The following FBXL17 variants were observed in gnomAD, a reference collection of about 807,000 sequenced individuals.
FBXL17 encodes the protein F-box and leucine rich repeat protein 17.
A neutral mutation model predicts 66.2 loss-of-function variants in FBXL17; 22 were observed. The ratio of observed to expected loss-of-function variants is 0.33; its 90% CI spans 0.24 to 0.47. FBXL17 has a LOEUF of 0.47. FBXL17 is among the 20% of genes least tolerant of loss of function. The pLI is 1.00. For synonymous variants in FBXL17, 474 were observed against 400.5 expected, an observed-to-expected ratio of 1.18 and a Z score of -2.19; for missense variants, 878 against 948.2, an observed-to-expected ratio of 0.93 and a Z score of 0.97.
chr5:108,186,024 C>G, intron 6 of FBXL17, 93 bp downstream of exon 6: 1 of 986,796 alleles, frequency 1.0e-6, no homozygotes, highest in Non-Finnish European at 1.5e-6. Context: ...CAGCTGTATT[C>G]AATTTTAGTT....
At chr5:108,083,258 GAGAT>G (rs377162791) in intron 6 of FBXL17, among the ~76,000 whole-genome samples, 237 of 116,598 alleles carry the variant, frequency 2.0e-3, no homozygotes, top group Non-Finnish European at 2.7e-3. Context: ...CACAGAGAGA[GAGAT>G]AGACAGATAT....
intron 4 of FBXL17, among the ~76,000 whole-genome samples, chr5:108,324,333 C>T (rs761000809): frequency 2.0e-5 from 3 of 151,788 alleles, no homozygotes; most frequent in African/African-American, 4.8e-5. Context: ...ACATGCTTAG[C>T]GACATGAATC....
chr5:108,235,054 A>G lies in FBXL17; in HGVS notation c.1507-10826T>C, dbSNP rs147144050. 2.0e-5 allele frequency among the ~76,000 whole-genome samples: 3 copies of G among 152,304 alleles called. No homozygotes were observed. In the East Asian group the frequency reaches 5.8e-4, roughly 29 times the overall value. On this transcript the variant is annotated intron_variant, in intron 4 of 8. Coordinates refer to ENST00000542267, the MANE Select transcript of FBXL17 (RefSeq NM_001163315.3). ...ATAATTTTGTAATCTGTGCTGAAAG[A>G]TATTTTGGGAATAATTGCTAGCATA...
At chr5:108,078,795 C>T (rs1748650737) in intron 6 of FBXL17, among the ~76,000 whole-genome samples, 3 of 152,142 alleles carry the variant, frequency 2.0e-5, no homozygotes, top group African/African-American at 7.2e-5. Context: ...CTTTCTGTAA[C>T]CTCAAGATAT....
At chr5:108,218,021 T>C (rs73214511) in intron 5 of FBXL17, among the ~76,000 whole-genome samples, 43,066 of 143,178 alleles carry the variant, frequency 0.3, 6,670 homozygotes, top group South Asian at 0.43. Flanking sequence ...TTTTTCTTTT[T>C]TTTTTTTTTT....
chr5:107,952,365 C>T (rs1751524695), intron 7 of FBXL17, among the ~76,000 whole-genome samples: 1 of 152,130 alleles, frequency 6.6e-6, no homozygotes, highest in Non-Finnish European at 1.5e-5. Flanking sequence ...TCTGCCTCCA[C>T]TATAACTGAA....
chr5:107,976,778 T>A lies in FBXL17; in HGVS notation c.1822+44147A>T, dbSNP rs77931298. Among the ~76,000 whole-genome samples the A allele has an allele frequency of 3.9e-3, 595 of 152,268 alleles. 25 individuals are homozygous for A. The East Asian group carries it at 0.092, about 24-fold the overall frequency. On this transcript the variant is annotated intron_variant, in intron 7 of 8. Transcript: ENST00000542267. Reference sequence around the variant, plus strand: ...AAAAAAGAAAAGACAATAACATATATAACAGACTTCAATATATTAATAAAC... The same window carrying A: ...AAAAAAGAAAAGACAATAACATATAAAACAGACTTCAATATATTAATAAAC...
chr5:108,243,040 T>C (rs1157633403), intron 4 of FBXL17, among the ~76,000 whole-genome samples: 4 of 152,212 alleles, frequency 2.6e-5, no homozygotes, highest in African/African-American at 9.6e-5. Flanking sequence ...AATCTGATAA[T>C]TCGATTGTTT....
chr5:108,301,156 T>G (rs540831007), intron 4 of FBXL17, among the ~76,000 whole-genome samples: 7 of 151,794 alleles, frequency 4.6e-5, no homozygotes, highest in Non-Finnish European at 7.4e-5. Context: ...CTCAGAGATC[T>G]CTGAATTTAT....
chr5:108,358,637 G>A (rs1748147653), intron 3 of FBXL17, among the ~76,000 whole-genome samples: 1 of 152,080 alleles, frequency 6.6e-6, no homozygotes, highest in Non-Finnish European at 1.5e-5. Context: ...GTCTGTAGCT[G>A]TTGTTTGTTT....
At chr5:108,203,272 T>C (rs1231464935) in intron 5 of FBXL17, among the ~76,000 whole-genome samples, 1 of 152,098 alleles carries the variant, frequency 6.6e-6, no homozygotes, top group Non-Finnish European at 1.5e-5. Flanking sequence ...ATGGTATTAC[T>C]ATCCTTCTTT....
At chr5:107,999,766 GAATACTC>G (rs1753642279) in intron 7 of FBXL17, among the ~76,000 whole-genome samples, 1 of 152,142 alleles carries the variant, frequency 6.6e-6, no homozygotes, top group Non-Finnish European at 1.5e-5. Context: ...TACACATAAT[GAATACTC>G]AATAAACACT....
At chr5:108,257,310 T>C (rs1230505284) in intron 4 of FBXL17, among the ~76,000 whole-genome samples, 1 of 152,148 alleles carries the variant, frequency 6.6e-6, no homozygotes, top group African/African-American at 2.4e-5. Flanking sequence ...ATATCATAAG[T>C]TGATTTCTGA....
intron 4 of FBXL17, among the ~76,000 whole-genome samples, chr5:108,300,360 G>C (rs186295937): frequency 6.6e-6 from 1 of 151,760 alleles, no homozygotes; most frequent in East Asian, 1.9e-4. Flanking sequence ...AGTTCAAAGT[G>C]GCCCAATTTA....
intron 4 of FBXL17, among the ~76,000 whole-genome samples, chr5:108,243,352 C>T (rs2150103772): frequency 6.6e-6 from 1 of 152,282 alleles, no homozygotes; most frequent in South Asian, 2.1e-4. Context: ...TATTCTCTGA[C>T]TGTTCCATCT....
At position 107,935,233 on chromosome 5, in the gene FBXL17, G is replaced by A. The variant is rs1750861036; in HGVS notation, c.1823-54054C>T. Among the ~76,000 whole-genome samples, 5 of 152,176 alleles carry A rather than the reference G, an allele frequency of 3.3e-5. No individual in the cohort carries two copies. In the South Asian group the frequency reaches 1.0e-3, roughly 32 times the overall value. Reference sequence around the variant, plus strand: ...CAAGAATCAAGGACTCCTAAGAATTGATTTGAAAGTGACTGCTGTCCTTTT... The same window carrying A: ...CAAGAATCAAGGACTCCTAAGAATTAATTTGAAAGTGACTGCTGTCCTTTT... On this transcript the variant is annotated intron_variant, in intron 7 of 8. Coordinates refer to ENST00000542267, the MANE Select transcript of FBXL17 (RefSeq NM_001163315.3).
At chr5:108,095,632 A>T (rs1029796869) in intron 6 of FBXL17, among the ~76,000 whole-genome samples, 1 of 152,142 alleles carries the variant, frequency 6.6e-6, no homozygotes, top group Non-Finnish European at 1.5e-5. Flanking sequence ...TATTTGGTGT[A>T]TTAGGAACAT....
At chr5:108,142,880 T>G (rs1319501979) in intron 6 of FBXL17, among the ~76,000 whole-genome samples, 1 of 151,952 alleles carries the variant, frequency 6.6e-6, no homozygotes, top group African/African-American at 2.4e-5. Context: ...GAATACCTAA[T>G]GTAGATGACG....
At chr5:108,229,400 A>G (rs933910124) in intron 4 of FBXL17, among the ~76,000 whole-genome samples, 48 of 152,240 alleles carry the variant, frequency 3.2e-4, no homozygotes, top group Admixed American at 7.2e-4. Flanking sequence ...TAGAGAACCC[A>G]GAAATAAACT....
Sources: allele counts gnomAD v4.1 joint callset (sites outside exome capture counted in the v4.1 genomes callset), GRCh38; gene constraint gnomAD v4.1.1; transcripts MANE v1.5; gene names NCBI Gene and HGNC (gene_info 2026-07-23, HGNC 2026-07-21).